The following PLD1 variants were observed in gnomAD, a reference collection of about 807,000 sequenced individuals.
The protein encoded by PLD1 is choline phosphatase 1.
PLD1 carries 112 observed loss-of-function variants against 137.1 expected under a neutral mutation model. The observed-to-expected ratio is 0.82, with a 90% confidence interval of 0.70 to 0.96. The LOEUF (loss-of-function observed/expected upper bound fraction) is 0.96. PLD1 is among the 40% of genes least tolerant of loss of function. The pLI is 0.00. For synonymous variants in PLD1, 431 were observed against 454.7 expected (o/e 0.95, Z 0.66); for missense variants, 1,321 against 1,342.0 (o/e 0.98, Z 0.24).
intron 23 of PLD1, among the ~76,000 whole-genome samples, chr3:171,637,702 T>C (rs190074084): frequency 6.6e-6 from 1 of 152,316 alleles, no homozygotes; most frequent in East Asian, 1.9e-4. Context: ...ACAAACCTAC[T>C]ACACAAATCA....
chr3:171,716,917 T>C (rs1717726116), intron 8 of PLD1, among the ~76,000 whole-genome samples: 1 of 152,170 alleles, frequency 6.6e-6, no homozygotes, highest in Admixed American at 6.6e-5. Flanking sequence ...TTCAATCTTC[T>C]GCACATGGCT....
intron 21 of PLD1, among the ~76,000 whole-genome samples, chr3:171,645,667 G>A (rs1440158710): frequency 1.3e-5 from 2 of 151,860 alleles, no homozygotes; most frequent in Non-Finnish European, 2.9e-5. Flanking sequence ...GGTGGACCAC[G>A]AGGTCAAGAA....
chr3:171,675,402 T>A (rs1415035437), intron 18 of PLD1, among the ~76,000 whole-genome samples: 1 of 152,242 alleles, frequency 6.6e-6, no homozygotes, highest in African/African-American at 2.4e-5. Flanking sequence ...TTAGAAGCCA[T>A]ATCAAAATAA....
rs1560140743 is a variant in PLD1 at position 171,609,551 on chromosome 3, CACA to C, written c.2882+2725_2882+2727del. 1.3e-3 allele frequency among the ~76,000 whole-genome samples: 185 copies of C among 141,188 alleles called. 1 individual carries two copies. The highest frequency in any genetic ancestry group is 4.8e-3 in the African/African-American group (162 of 33,594). The allele number at this position is 141,188 out of a possible 152,430, so 92.6% of individuals were successfully genotyped here. A position where few individuals can be genotyped will look rare whatever the true frequency, so the allele number is the denominator to read the frequency against. On this transcript the variant is annotated intron_variant, in intron 25 of 26. Transcript: ENST00000351298. ...ACACACACACACACACACACACACACACACCAGAGAAAACTACTCAGCCATAAA... is the reference window on the plus strand; with the variant it reads ...ACACACACACACACACACACACACACCCAGAGAAAACTACTCAGCCATAAA...
chr3:171,653,261 C>G lies in PLD1; in HGVS notation c.2429+5952G>C, dbSNP rs1032984628. 5.9e-5 allele frequency: 9 copies of G among 152,326 alleles called. No homozygotes were observed. The South Asian group carries it at 1.0e-3, about 18-fold the overall frequency. 9.4% of individuals were successfully genotyped at this position (152,326 alleles called of 1,614,324 possible). Reference sequence around the variant, plus strand: ...GAAACTATTTGGTAACATTTTTATTCAATTATATCAATTGCTGATTTCAAT... The same window carrying G: ...GAAACTATTTGGTAACATTTTTATTGAATTATATCAATTGCTGATTTCAAT... On this transcript the variant is annotated intron_variant, in intron 21 of 26. Coordinates refer to ENST00000351298, the MANE Select transcript of PLD1 (RefSeq NM_002662.5).
intron 24 of PLD1, among the ~76,000 whole-genome samples, chr3:171,618,481 C>A (rs1341659674): frequency 1.3e-5 from 2 of 152,068 alleles, no homozygotes; most frequent in South Asian, 2.1e-4. Context: ...GTTTATTTTT[C>A]CATTTCAGCA....
chr3:171,805,072 T>C (rs1723793411), intron 1 of PLD1, among the ~76,000 whole-genome samples: 1 of 152,234 alleles, frequency 6.6e-6, no homozygotes, highest in African/African-American at 2.4e-5. Flanking sequence ...CTGTTCTTAA[T>C]ATAAAGTTCA....
intron 19 of PLD1, among the ~76,000 whole-genome samples, chr3:171,663,523 T>C (rs776551163): frequency 2.6e-5 from 4 of 152,244 alleles, no homozygotes; most frequent in Non-Finnish European, 4.4e-5. Context: ...ATAAGTGTTA[T>C]ATTAATGAGC....
rs188593374 is a variant in PLD1 at position 171,764,128 on chromosome 3, C to T, written c.-31-26046G>A. Among the ~76,000 whole-genome samples the T allele has an allele frequency of 5.1e-4, 78 of 152,208 alleles. 1 individual carries two copies. Among genetic ancestry groups the T allele is most frequent in the African/African-American group, 1.8e-3 (76 of 41,542 alleles). On this transcript the variant is annotated intron_variant, in intron 1 of 26. Transcript: ENST00000351298. ...CTGGGACCATAGTCACATGCCACCA[C>T]GTCCAGCTAATTTTATTTATGTTTT...
intron 11 of PLD1, among the ~76,000 whole-genome samples, chr3:171,703,540 G>A (rs1716421792): frequency 6.6e-6 from 1 of 151,774 alleles, no homozygotes; most frequent in African/African-American, 2.4e-5. Flanking sequence ...AGTTCTGTAT[G>A]GAAAATGAAT....
Position 171,659,314 on chromosome 3 carries a change from A to G in PLD1, c.2341-13T>C. The G allele has an allele frequency of 6.5e-7, 1 of 1,535,372 alleles. No individual in the cohort carries two copies. The highest frequency in any genetic ancestry group is 2.2e-5 in the East Asian group (1 of 44,546). On this transcript the variant is annotated splice_polypyrimidine_tract_variant and intron_variant, in intron 20 of 26. Coordinates refer to ENST00000351298, the MANE Select transcript of PLD1 (RefSeq NM_002662.5). The stretch of plus-strand genomic sequence containing the variant: ...TGAAAAACTGGTTCTATGAGAAATA[A>G]ACAAGACAATCATGTTAGTCTTTAT...
intron 1 of PLD1, among the ~76,000 whole-genome samples, chr3:171,753,437 G>A (rs541423078): frequency 1.3e-5 from 2 of 152,336 alleles, no homozygotes; most frequent in East Asian, 3.9e-4. Flanking sequence ...CAGTGCAGCC[G>A]CTTTGCAGGG....
chr3:171,671,319 T>C (rs1712719783), intron 19 of PLD1, among the ~76,000 whole-genome samples: 1 of 152,222 alleles, frequency 6.6e-6, no homozygotes, highest in South Asian at 2.1e-4. Context: ...GTGATCTCAA[T>C]TAGTGCCCTG....
At chr3:171,806,754 T>C (rs996701427) in intron 1 of PLD1, among the ~76,000 whole-genome samples, 1 of 152,220 alleles carries the variant, frequency 6.6e-6, no homozygotes, top group Non-Finnish European at 1.5e-5. Context: ...ATAGTTTAGA[T>C]AGGTACTATT....
intron 12 of PLD1, among the ~76,000 whole-genome samples, chr3:171,694,777 CA>C (rs1376113990): frequency 6.6e-5 from 10 of 152,200 alleles, no homozygotes; most frequent in Non-Finnish European, 1.2e-4. Context: ...TACTCACCTG[CA>C]TAACTAATGG....
At chr3:171,647,438 T>A (rs1026808699) in intron 21 of PLD1, among the ~76,000 whole-genome samples, 1 of 152,078 alleles carries the variant, frequency 6.6e-6, no homozygotes, top group Non-Finnish European at 1.5e-5. Flanking sequence ...AATATAAAAT[T>A]TGCCATTTTA....
chr3:171,774,795 G>A (rs1289493799), intron 1 of PLD1, among the ~76,000 whole-genome samples: 4 of 152,218 alleles, frequency 2.6e-5, no homozygotes, highest in African/African-American at 9.6e-5. Context: ...GGGACAAGGA[G>A]GAAGGGCAGG....
chr3:171,687,305 T>G, intron 15 of PLD1, 66 bp downstream of exon 15: 1 of 1,276,320 alleles, frequency 7.8e-7, no homozygotes, highest in South Asian at 1.2e-5. Flanking sequence ...AAAACAGGTA[T>G]GTAGTGTCTG....
intron 23 of PLD1, among the ~76,000 whole-genome samples, chr3:171,642,457 C>CAAAAAAAAAAAAAAAAA (rs1230947984): frequency 3.0e-5 from 1 of 33,028 alleles, no homozygotes; most frequent in Admixed American, 2.8e-4. Context: ...AACCCAGTCT[C>CAAAAAAAAAAAAAAAAA]AAAAAAAAAA....
Sources: gnomAD v4.1 joint callset for allele counts (sites outside exome capture counted in the v4.1 genomes callset) on GRCh38, gnomAD v4.1.1 for gene constraint, MANE v1.5 for transcripts, NCBI Gene and HGNC (gene_info 2026-07-23, HGNC 2026-07-21) for gene names.